Variants in ILK observed in about 807,000 individuals in gnomAD.
The protein encoded by ILK is scaffold protein ILK.
ILK carries 37 observed loss-of-function variants against 57.8 expected under a neutral mutation model. The observed-to-expected ratio is 0.64, with a 90% CI of 0.49 to 0.84. ILK has a LOEUF of 0.84. Among genes scored for constraint, ILK ranks in the 40% least tolerant of loss-of-function variants. The pLI is 0.00. For synonymous variants in ILK, 231 were observed against 202.2 expected (o/e 1.14, Z -1.21); for missense variants, 528 against 595.7 (o/e 0.89, Z 1.18).
chr11:6,609,787 T>C lies in ILK; in HGVS notation c.920T>C (p.Phe307Ser), dbSNP rs745859204. ...FALDMARGMA[F>S]LHTLEPLIPR... is the part of the protein sequence containing the mutation. ...TTGGACATGGCAAGGGGCATGGCCT[T>C]CCTACACACACTAGAGCCCCTCATC... Residue 307 changes from phenylalanine to serine, a missense_variant, in exon 10 of 13, where the codon TTC becomes TCC. Physicochemically the swap from Phe to Ser is radical, Grantham distance 155. Coordinates refer to ENST00000299421, the MANE Select transcript of ILK (RefSeq NM_004517.4). The C allele has an allele frequency of 6.2e-7, 1 of 1,614,096 alleles. No individual in the cohort carries two copies.
chr11:6,607,707 T>C (rs548965062), intron 2 of ILK: 11 of 362,272 alleles, frequency 3.0e-5, no homozygotes, highest in East Asian at 2.7e-4. Flanking sequence ...GGGGGACATA[T>C]AAGATGTGGT....
Position 6,609,164 on chromosome 11 carries a change from C to CTGCCCTTCT in ILK, c.618+17_618+25dup, listed in dbSNP as rs754711553. Reference sequence around the variant, plus strand: ...GAGAATCACTCTGGAGAGGTGACCCCTGCCCTTCTTGCCCTTCCCTCACTA... The same window carrying CTGCCCTTCT: ...GAGAATCACTCTGGAGAGGTGACCCCTGCCCTTCTTGCCCTTCTTGCCCTTCCCTCACTA... On this transcript the variant is annotated intron_variant, in intron 7 of 12. Coordinates refer to ENST00000299421, the MANE Select transcript of ILK (RefSeq NM_004517.4). The CTGCCCTTCT allele has an allele frequency of 5.0e-6, 8 of 1,613,036 alleles. No individual in the cohort carries two copies. Among genetic ancestry groups the CTGCCCTTCT allele is most frequent in the Non-Finnish European group, 5.9e-6 (7 of 1,178,990 alleles).
In ILK at chr11:6,608,345, A is replaced by G; in HGVS notation, c.256-49A>G. Reference sequence around the variant, plus strand: ...GCCCTGACACCAGTATCTCATTTGGAACTGACTGTACTTTCTGCCTCTTCT... The same window carrying G: ...GCCCTGACACCAGTATCTCATTTGGGACTGACTGTACTTTCTGCCTCTTCT... On this transcript the variant is annotated intron_variant, in intron 3 of 12. Coordinates refer to ENST00000299421, the MANE Select transcript of ILK (RefSeq NM_004517.4). This position sits in a 1 kb window ranked among gnomAD's most constrained non-coding sequence, Gnocchi z 4.9. The G allele has an allele frequency of 1.3e-6, 2 of 1,588,784 alleles. No individual in the cohort carries two copies. Among genetic ancestry groups the G allele is most frequent in the Non-Finnish European group, 1.7e-6 (2 of 1,156,956 alleles).
In ILK at chr11:6,604,162, A is replaced by G. The variant is rs1589921796; in HGVS notation, c.-92-18A>G. 2.9e-6 allele frequency: 3 copies of G among 1,025,612 alleles called. No homozygotes were observed. In the East Asian group the frequency reaches 7.8e-5, roughly 27 times the overall value. 63.5% of individuals were successfully genotyped at this position (1,025,612 alleles called of 1,614,324 possible). The stretch of plus-strand genomic sequence containing the variant: ...GCTCAGGCCCCCTACCCCCAACACA[A>G]ACACTTCTCTCCTGTAGAGGATAAA... On this transcript the variant is annotated intron_variant, in intron 1 of 12. Coordinates refer to ENST00000299421, the MANE Select transcript of ILK (RefSeq NM_004517.4).
rs769121077 is a variant in ILK, at chr11:6,604,397, G to C, written c.89+37G>C. The C allele has an allele frequency of 2.6e-6, 4 of 1,546,638 alleles. No individual in the cohort carries two copies. The South Asian group carries it at 4.7e-5, about 18-fold the overall frequency. Reference sequence around the variant, plus strand: ...CGGTTGGTGGATGAGAGGAAGGCTAGAGATCTCCTGGCTACGTGGAGTGGA... The same window carrying C: ...CGGTTGGTGGATGAGAGGAAGGCTACAGATCTCCTGGCTACGTGGAGTGGA... On this transcript the variant is annotated intron_variant, in intron 2 of 12. Coordinates refer to ENST00000299421, the MANE Select transcript of ILK (RefSeq NM_004517.4).
Position 6,609,595 on chromosome 11 carries a change from G to A in ILK, c.812G>A (p.Trp271Ter). 6.2e-7 allele frequency: 1 copy of A among 1,614,130 alleles called. No homozygotes were observed. The highest frequency in any genetic ancestry group is 8.5e-7 in the Non-Finnish European group (1 of 1,180,008). Residue 271 changes from tryptophan to a stop codon, truncating the protein, a stop_gained, in exon 9 of 13, where the codon TGG (tryptophan) becomes TAG (stop). Transcript: ENST00000299421. LOFTEE classifies it high-confidence loss of function. ...CCTCATCCTACTCTCATCACACACTGGATGCCGTATGGATCCCTCTACAAT... is the reference window on the plus strand; with the variant it reads ...CCTCATCCTACTCTCATCACACACTAGATGCCGTATGGATCCCTCTACAAT... ...PAPHPTLITH[W>*]MPYGSLYNVL...
intron 2 of ILK, among the ~76,000 whole-genome samples, chr11:6,606,066 C>T (rs533674520): frequency 6.6e-6 from 1 of 152,214 alleles, no homozygotes; most frequent in African/African-American, 2.4e-5. Flanking sequence ...CCCAGCTACT[C>T]GGAGGCTGAG....
In ILK at chr11:6,609,492, C is replaced by G; in HGVS notation, c.729-20C>G. 2 of 1,614,134 alleles carry G rather than the reference C, an allele frequency of 1.2e-6. No homozygotes were observed. The highest frequency in any genetic ancestry group is 1.7e-6 in the Non-Finnish European group (2 of 1,180,026). ...AGAGATCTTTTGTACTGGGTCTCAA[C>G]CACTCCCTCCCTCTTCTAGGATTTT... On this transcript the variant is annotated intron_variant, in intron 8 of 12. Transcript: ENST00000299421.
At position 6,608,163 on chromosome 11, in the gene ILK, C is replaced by G. The variant is rs751471922; in HGVS notation, c.207C>G (p.Thr69=). 3 of 1,614,114 alleles carry G rather than the reference C, an allele frequency of 1.9e-6. No individual in the cohort carries two copies. Among genetic ancestry groups the G allele is most frequent in the Admixed American group, 1.7e-5 (1 of 60,024 alleles). The stretch of plus-strand genomic sequence containing the variant: ...ATGTAATGAACCGTGGGGATGACAC[C>G]CCCCTGCATCTGGCAGCCAGTCATG... ...RINVMNRGDD[T]PLHLAASHGH... is the part of the protein sequence containing the mutation. The change falls in exon 3 of 13, where the codon ACC becomes ACG. Residue 69 remains threonine (T), a synonymous_variant. Coordinates refer to ENST00000299421, the MANE Select transcript of ILK (RefSeq NM_004517.4). The surrounding 1 kb of genome is among the most constrained non-coding windows in gnomAD (Gnocchi z 4.9).
chr11:6,609,604 A>C lies in ILK; in HGVS notation c.821A>C (p.Tyr274Ser). The stretch of plus-strand genomic sequence containing the variant: ...ACTCTCATCACACACTGGATGCCGT[A>C]TGGATCCCTCTACAATGTACTACAT... ...HPTLITHWMP[Y>S]GSLYNVLHEG... The change falls in exon 9 of 13, where the codon TAT becomes TCT. Residue 274 changes from tyrosine to serine, a missense_variant. Transcript: ENST00000299421. The C allele has an allele frequency of 6.2e-7, 1 of 1,614,112 alleles. No individual in the cohort carries two copies. Among genetic ancestry groups the C allele is most frequent in the Non-Finnish European group, 8.5e-7 (1 of 1,179,990 alleles).
In ILK at chr11:6,608,866, GTTGT is replaced by G. The variant is rs766224908; in HGVS notation, c.449-15_449-12del. The G allele has an allele frequency of 3.8e-5, 61 of 1,613,878 alleles. No homozygotes were observed. Among genetic ancestry groups the G allele is most frequent in the Admixed American group, 2.0e-4 (12 of 60,006 alleles). On this transcript the variant is annotated splice_polypyrimidine_tract_variant and intron_variant, in intron 5 of 12. Coordinates refer to ENST00000299421, the MANE Select transcript of ILK (RefSeq NM_004517.4). The surrounding 1 kb of genome is among the most constrained non-coding windows in gnomAD (Gnocchi z 4.9). ...CTTCTCCCTCTGTACCACAGCTTAGGTTGTTTTTCTTCCCTAGAGCGGGCAGAGA... is the reference window on the plus strand; with the variant it reads ...CTTCTCCCTCTGTACCACAGCTTAGGTTTTCTTCCCTAGAGCGGGCAGAGA...
Position 6,608,717 on chromosome 11 carries a change from T to C in ILK, c.375T>C (p.Leu125=). 1 of 1,614,128 alleles carries C rather than the reference T, an allele frequency of 6.2e-7. No homozygotes were observed. Among genetic ancestry groups the C allele is most frequent in the Non-Finnish European group, 8.5e-7 (1 of 1,179,964 alleles). The part of the protein sequence containing the change: ...VAEDLVANGA[L]VSICNKYGEM... ...AGGACCTGGTGGCAAATGGGGCCCT[T>C]GTCAGCATCTGTAACAAGTATGGAG... is the stretch of plus-strand genomic sequence containing the variant. The change falls in exon 5 of 13, where the codon CTT becomes CTC. Residue 125 remains leucine, a synonymous_variant. Coordinates refer to ENST00000299421, the MANE Select transcript of ILK (RefSeq NM_004517.4). The surrounding 1 kb of genome is among the most constrained non-coding windows in gnomAD (Gnocchi z 4.9).
chr11:6,609,107 T>G lies in ILK; in HGVS notation c.569T>G (p.Phe190Cys). The change falls in exon 7 of 13, where the codon TTC (phenylalanine) becomes TGC (cysteine). Residue 190 changes from phenylalanine (F) to cysteine (C), a missense_variant. Phe to Cys is a radical substitution (Grantham distance 205, BLOSUM62 -2). Transcript: ENST00000299421. ...GTLNKHSGID[F>C]KQLNFLTKLN... ...CTGAACAAACACTCTGGCATTGACT[T>G]CAAACAGCTTAACTTCCTGACGAAG... 6.2e-7 allele frequency: 1 copy of G among 1,614,212 alleles called. No homozygotes were observed. The highest frequency in any genetic ancestry group is 8.5e-7 in the Non-Finnish European group (1 of 1,180,032).
chr11:6,604,363 G>A lies in ILK; in HGVS notation c.89+3G>A, dbSNP rs1057522639. On this transcript the variant is annotated splice_donor_region_variant and intron_variant, in intron 2 of 12. Transcript: ENST00000299421. Reference sequence around the variant, plus strand: ...ACGGAGAACGACCTCAACCAGGGGTGAGCTGAAACGGTTGGTGGATGAGAG... The same window carrying A: ...ACGGAGAACGACCTCAACCAGGGGTAAGCTGAAACGGTTGGTGGATGAGAG... 4.4e-6 allele frequency: 7 copies of A among 1,602,880 alleles called. No individual in the cohort carries two copies. Among genetic ancestry groups the A allele is most frequent in the African/African-American group, 1.3e-5 (1 of 74,654 alleles).
chr11:6,608,696 C>T lies in ILK; in HGVS notation c.354C>T (p.Asp118=), dbSNP rs1342273703. 8.1e-6 allele frequency: 13 copies of T among 1,613,594 alleles called. No homozygotes were observed. Among genetic ancestry groups the T allele is most frequent in the Non-Finnish European group, 1.1e-5 (13 of 1,179,562 alleles). ...CFWGQDQVAE[D]LVANGALVSI... ...TCATAATGGCCTTTTCATTCCAGGA[C>T]CTGGTGGCAAATGGGGCCCTTGTCA... is the stretch of plus-strand genomic sequence containing the variant. Residue 118 remains aspartate (D), a splice_region_variant and synonymous_variant, in exon 5 of 13, where the codon GAC becomes GAT. Transcript: ENST00000299421. This position sits in a 1 kb window ranked among gnomAD's most constrained non-coding sequence, Gnocchi z 4.9.
In ILK at chr11:6,609,586, T is replaced by C. The variant is rs749229669; in HGVS notation, c.803T>C (p.Ile268Thr). The change falls in exon 9 of 13, where the codon ATC becomes ACC. Residue 268 changes from isoleucine (I) to threonine (T), a missense_variant. By Grantham distance (89) the Ile-to-Thr change is moderately conservative. Transcript: ENST00000299421. ...CCACCTGCTCCTCATCCTACTCTCA[T>C]CACACACTGGATGCCGTATGGATCC... ...QSPPAPHPTL[I>T]THWMPYGSLY... 1 of 1,614,168 alleles carries C rather than the reference T, an allele frequency of 6.2e-7. No individual in the cohort carries two copies.
In ILK at chr11:6,610,731, C is replaced by T. The variant is rs1855420484; in HGVS notation, c.*120C>T. Reference sequence around the variant, plus strand: ...CCTCCAGTCATGGTACTACCCCAGCCATGGGGTCCATCCCCTTCCCCCATC... The same window carrying T: ...CCTCCAGTCATGGTACTACCCCAGCTATGGGGTCCATCCCCTTCCCCCATC... On this transcript the variant is annotated 3_prime_UTR_variant, in exon 13 of 13. Transcript: ENST00000299421. 6 of 1,359,484 alleles carry T rather than the reference C, an allele frequency of 4.4e-6. No homozygotes were observed. Among genetic ancestry groups the T allele is most frequent in the Non-Finnish European group, 6.2e-6 (6 of 960,978 alleles). 84.2% of individuals were successfully genotyped at this position (1,359,484 alleles called of 1,614,324 possible).
In ILK at chr11:6,608,417, C is replaced by T; in HGVS notation, c.279C>T (p.Ile93=). Residue 93 remains isoleucine, a synonymous_variant, in exon 4 of 13, where the codon ATC becomes ATT. Coordinates refer to ENST00000299421, the MANE Select transcript of ILK (RefSeq NM_004517.4). This position sits in a 1 kb window ranked among gnomAD's most constrained non-coding sequence, Gnocchi z 4.9. ...AGCTATTGCAGTACAAGGCAGACAT[C>T]AATGCAGTGAATGAACACGGGAATG... ...VQKLLQYKAD[I]NAVNEHGNVP... The T allele has an allele frequency of 1.2e-6, 2 of 1,614,154 alleles. No homozygotes were observed. The highest frequency in any genetic ancestry group is 1.7e-6 in the Non-Finnish European group (2 of 1,179,964).
intron 12 of ILK, 30 bp from the exon 13 acceptor site, chr11:6,610,432 G>T: frequency 6.2e-7 from 1 of 1,614,126 alleles, no homozygotes; most frequent in Non-Finnish European, 8.5e-7. Context: ...GACTCAAATT[G>T]TGAGGCTGCT....
Sources: allele counts gnomAD v4.1 joint callset (sites outside exome capture counted in the v4.1 genomes callset), GRCh38; gene constraint gnomAD v4.1.1; non-coding constraint Gnocchi (gnomAD v3.1); transcripts MANE v1.5; gene names NCBI Gene and HGNC (gene_info 2026-07-23, HGNC 2026-07-21).